RBBP8: variants seen among roughly 807,000 people sequenced by gnomAD.
RBBP8 encodes DNA endonuclease RBBP8.
In RBBP8, 88 loss-of-function variants were observed where a neutral mutation model predicts 108.3. The ratio of observed to expected loss-of-function variants is 0.81; its 90% CI spans 0.68 to 0.97. The LOEUF (loss-of-function observed/expected upper bound fraction) is 0.97, where lower values mean the gene tolerates loss of function less well. Ranked by LOEUF, RBBP8 falls within the 50% of genes least tolerant of loss-of-function variation. RBBP8 has a pLI of 0.00. For missense variants in RBBP8, 1,023 were observed against 1,049.0 expected (o/e 0.98, Z 0.34); for synonymous variants, 332 against 348.2 (o/e 0.95, Z 0.52).
At chr18:22,963,953 T>C (rs533937994) in intron 4 of RBBP8, among the ~76,000 whole-genome samples, 6 of 152,190 alleles carry the variant, frequency 3.9e-5, no homozygotes, top group Non-Finnish European at 8.8e-5. Flanking sequence ...AGCAAAATTT[T>C]TGAGATTTTT....
chr18:22,992,731 T>C lies in RBBP8; in HGVS notation c.921-17T>C. The C allele has an allele frequency of 6.4e-7, 1 of 1,558,460 alleles. No homozygotes were observed. Among genetic ancestry groups the C allele is most frequent in the Non-Finnish European group, 8.8e-7 (1 of 1,130,676 alleles). On this transcript the variant is annotated splice_polypyrimidine_tract_variant and intron_variant, in intron 10 of 18. Coordinates refer to ENST00000327155, the MANE Select transcript of RBBP8 (RefSeq NM_002894.3). ...TATTAATTCTGTATTAAAGAATTGTTATCACTCTTTATTTAGATTTTCAGA... is the reference window on the plus strand; with the variant it reads ...TATTAATTCTGTATTAAAGAATTGTCATCACTCTTTATTTAGATTTTCAGA...
chr18:22,949,399 T>C (rs1911837107), intron 3 of RBBP8, among the ~76,000 whole-genome samples: 1 of 152,308 alleles, frequency 6.6e-6, no homozygotes, highest in South Asian at 2.1e-4. Context: ...TTTGACAAAG[T>C]TGAGTCAATA....
At chr18:23,015,378 GTTA>G (rs928951538) in intron 16 of RBBP8, among the ~76,000 whole-genome samples, 14 of 152,088 alleles carry the variant, frequency 9.2e-5, no homozygotes, top group Non-Finnish European at 1.6e-4. Context: ...TTTTAAATAG[GTTA>G]TTATATTTTA....
intron 18 of RBBP8, among the ~76,000 whole-genome samples, chr18:23,022,665 A>AAATAAAATAAAT (rs2046387124): frequency 7.1e-6 from 1 of 141,422 alleles, no homozygotes; most frequent in Non-Finnish European, 1.5e-5. Context: ...AAATAAAATA[A>AAATAAAATAAAT]AATAAATAAC....
At chr18:22,936,241 A>T (rs945791913) in intron 1 of RBBP8, among the ~76,000 whole-genome samples, 4 of 152,148 alleles carry the variant, frequency 2.6e-5, no homozygotes, top group Non-Finnish European at 4.4e-5. Context: ...AGCTGGGGCC[A>T]CAGGCACGCA....
chr18:22,993,652 T>A lies in RBBP8; in HGVS notation c.1812+13T>A. ...AGATGACATAAAGGTTTGTGTTAAATGTTCAAGGATTTTGATTAAAATGAT... is the reference window on the plus strand; with the variant it reads ...AGATGACATAAAGGTTTGTGTTAAAAGTTCAAGGATTTTGATTAAAATGAT... On this transcript the variant is annotated intron_variant, in intron 11 of 18. Transcript: ENST00000327155. 1 of 1,614,270 alleles carries A rather than the reference T, an allele frequency of 6.2e-7. No homozygotes were observed. Among genetic ancestry groups the A allele is most frequent in the Non-Finnish European group, 8.5e-7 (1 of 1,180,038 alleles).
upstream of RBBP8, chr18:22,933,181 T>C (rs1910147546): frequency 6.6e-6 from 1 of 152,210 alleles, no homozygotes; most frequent in Non-Finnish European, 1.5e-5. Flanking sequence ...TTCGGGTAGC[T>C]CCCGGCAGCT....
chr18:23,009,880 G>A (rs988412693), intron 16 of RBBP8, among the ~76,000 whole-genome samples: 4 of 152,214 alleles, frequency 2.6e-5, no homozygotes, highest in African/African-American at 9.6e-5. Flanking sequence ...TCCTGCCTCA[G>A]CCTCCCGAGT....
chr18:23,006,691 A>C (rs1414936059), intron 16 of RBBP8, among the ~76,000 whole-genome samples: 2 of 152,014 alleles, frequency 1.3e-5, no homozygotes, highest in Non-Finnish European at 1.5e-5. Context: ...TTGTAGAGAC[A>C]GGGTTTCACC....
In RBBP8 at chr18:23,022,189, C is replaced by T. The variant is rs1064796899; in HGVS notation, c.2515C>T (p.Arg839Ter). 10 of 1,610,904 alleles carry T rather than the reference C, an allele frequency of 6.2e-6. No individual in the cohort carries two copies. The East Asian group carries it at 8.9e-5, about 14-fold the overall frequency. The change falls in exon 18 of 19, where the codon CGA becomes TGA. Residue 839 changes from arginine (R) to a stop codon, truncating the protein, a stop_gained. Transcript: ENST00000327155. LOFTEE classifies it high-confidence loss of function. ...GAAATTGGCTTCCTGCTCAAGACACCGATTCCGCTACATTCCACCCAACAC... is the reference window on the plus strand; with the variant it reads ...GAAATTGGCTTCCTGCTCAAGACACTGATTCCGCTACATTCCACCCAACAC... ...EKKLASCSRH[R>*]FRYIPPNTPE...
At position 22,997,836 on chromosome 18, in the gene RBBP8, G is replaced by A. The variant is rs978850177; in HGVS notation, c.2143+102G>A. Reference sequence around the variant, plus strand: ...GCTCAAGTGACCTCTTCACCATAAAGCAGGTTTTTTCCTGCTCTGTTAACT... The same window carrying A: ...GCTCAAGTGACCTCTTCACCATAAAACAGGTTTTTTCCTGCTCTGTTAACT... On this transcript the variant is annotated intron_variant, in intron 14 of 18. Coordinates refer to ENST00000327155, the MANE Select transcript of RBBP8 (RefSeq NM_002894.3). 74 of 847,064 alleles carry A rather than the reference G, an allele frequency of 8.7e-5. 3 individuals carry two copies. In the South Asian group the frequency reaches 1.0e-3, roughly 12 times the overall value. The allele number at this position is 847,064 out of a possible 1,614,324, so 52.5% of individuals were successfully genotyped here.
chr18:23,001,037 A>AT (rs1050155233), intron 14 of RBBP8, among the ~76,000 whole-genome samples: 4 of 152,204 alleles, frequency 2.6e-5, no homozygotes, highest in African/African-American at 9.6e-5. Context: ...CATGCATTAC[A>AT]TCTGTTCACC....
chr18:22,954,496 T>A lies in RBBP8; in HGVS notation c.248+4783T>A, dbSNP rs188444016. Among the ~76,000 whole-genome samples the A allele has an allele frequency of 6.3e-4, 96 of 152,316 alleles. No individual in the cohort carries two copies. The East Asian group carries it at 0.017, about 27-fold the overall frequency. ...AGGTCATGCTGATACAAGAGGTGGGTTCCCACAGTCTTGGGCAGCTCTGCC... is the reference window on the plus strand; with the variant it reads ...AGGTCATGCTGATACAAGAGGTGGGATCCCACAGTCTTGGGCAGCTCTGCC... On this transcript the variant is annotated intron_variant, in intron 4 of 18. Transcript: ENST00000327155.
upstream of RBBP8, among the ~76,000 whole-genome samples, chr18:22,932,571 T>C (rs547184678): frequency 6.6e-6 from 1 of 152,224 alleles, no homozygotes; most frequent in Non-Finnish European, 1.5e-5. Flanking sequence ...CCTGTTAATA[T>C]TATCCCTTCC....
chr18:22,955,312 GC>G lies in RBBP8; in HGVS notation c.248+5600del, dbSNP rs576279965. Among the ~76,000 whole-genome samples, 128 of 152,274 alleles carry G rather than the reference GC, an allele frequency of 8.4e-4. No homozygotes were observed. In the Middle Eastern group the frequency reaches 0.017, roughly 20 times the overall value. On this transcript the variant is annotated intron_variant, in intron 4 of 18. Transcript: ENST00000327155. The stretch of plus-strand genomic sequence containing the variant: ...TGCTTTTGCTCACCTTTCTTCAAAT[GC>G]AAATCCAAAATTTCCTGTGGGCACA...
intron 7 of RBBP8, among the ~76,000 whole-genome samples, chr18:22,984,036 A>C (rs1915145217): frequency 6.6e-6 from 1 of 152,248 alleles, no homozygotes; most frequent in East Asian, 1.9e-4. Context: ...AGCTGAGATC[A>C]TGCCACTGCA....
At chr18:22,972,175 G>A (rs1914145345) in intron 5 of RBBP8, among the ~76,000 whole-genome samples, 1 of 149,592 alleles carries the variant, frequency 6.7e-6, no homozygotes, top group African/African-American at 2.4e-5. Flanking sequence ...CCAAGATGGT[G>A]AAAACCCGTC....
chr18:23,017,280 G>A (rs879823795), intron 17 of RBBP8, among the ~76,000 whole-genome samples: 3 of 151,790 alleles, frequency 2.0e-5, no homozygotes, highest in Non-Finnish European at 2.9e-5. Flanking sequence ...GCTTGAACCC[G>A]GGAGGTGGAG....
At chr18:23,008,102 A>G (rs2046090311) in intron 16 of RBBP8, among the ~76,000 whole-genome samples, 1 of 152,078 alleles carries the variant, frequency 6.6e-6, no homozygotes, top group African/African-American at 2.4e-5. Flanking sequence ...GTGAACCACC[A>G]CGCCTGGCGC....
Sources: allele counts gnomAD v4.1 joint callset (sites outside exome capture counted in the v4.1 genomes callset), GRCh38; gene constraint gnomAD v4.1.1; transcripts MANE v1.5; gene names NCBI Gene and HGNC (gene_info 2026-07-23, HGNC 2026-07-21).